The following CREG2 variants were observed in gnomAD, a reference collection of about 807,000 sequenced individuals.
The protein encoded by CREG2 is cellular repressor of E1A stimulated genes 2.
CREG2 carries 24 observed loss-of-function variants against 26.2 expected under a neutral mutation model. The observed-to-expected ratio is 0.92, with a 90% CI of 0.66 to 1.29. CREG2 has a LOEUF of 1.29. Ranked by LOEUF, CREG2 falls within the 50% of genes most tolerant of loss-of-function variation. The pLI is 0.00. For missense variants in CREG2, 366 were observed against 398.6 expected (o/e 0.92, Z 0.70); for synonymous variants, 174 against 169.2 (o/e 1.03, Z -0.22).
intron 2 of CREG2, among the ~76,000 whole-genome samples, chr2:101,370,419 C>A (rs1448398330): frequency 6.6e-5 from 10 of 152,132 alleles, no homozygotes; most frequent in Non-Finnish European, 1.5e-4. Context: ...AACGTTTCAT[C>A]CCCACAGTGG....
intron 3 of CREG2, 26 bp downstream of exon 3, chr2:101,355,227 A>G (rs749768170): frequency 7.3e-6 from 10 of 1,378,298 alleles, no homozygotes; most frequent in South Asian, 1.2e-5. Flanking sequence ...ATTTCTGGGC[A>G]TATAAATTTT....
intron 2 of CREG2, among the ~76,000 whole-genome samples, chr2:101,373,644 A>G (rs1342438767): frequency 6.6e-6 from 1 of 152,244 alleles, no homozygotes; most frequent in Admixed American, 6.5e-5. Flanking sequence ...GGATAGTGCA[A>G]TGGCAGAGGA....
intron 3 of CREG2, among the ~76,000 whole-genome samples, chr2:101,351,661 C>T (rs1471451532): frequency 3.9e-5 from 6 of 152,172 alleles, no homozygotes; most frequent in African/African-American, 7.2e-5. Context: ...AACGTCACAT[C>T]CCGTCTTGTG....
At chr2:101,360,904 G>A (rs557800913) in intron 2 of CREG2, among the ~76,000 whole-genome samples, 17 of 152,184 alleles carry the variant, frequency 1.1e-4, no homozygotes, top group East Asian at 3.9e-4. Context: ...TAACTGAGAC[G>A]CATAGGAGAA....
At chr2:101,385,022 A>G (rs1684943621) in intron 1 of CREG2, among the ~76,000 whole-genome samples, 1 of 152,168 alleles carries the variant, frequency 6.6e-6, no homozygotes, top group African/African-American at 2.4e-5. Flanking sequence ...TGCTTTCTGA[A>G]CAGCATGCAG....
At position 101,380,262 on chromosome 2, in the gene CREG2, T is replaced by G. The variant is rs574841535; in HGVS notation, c.611+3271A>C. Among the ~76,000 whole-genome samples, 56 of 152,354 alleles carry G rather than the reference T, an allele frequency of 3.7e-4. 2 individuals carry two copies. The highest frequency in any genetic ancestry group is 1.3e-3 in the African/African-American group (56 of 41,594). On this transcript the variant is annotated intron_variant, in intron 2 of 3. Coordinates refer to ENST00000324768, the MANE Select transcript of CREG2 (RefSeq NM_153836.4). ...CATTCCTCCCTCCCTAAGCCTGAGC[T>G]GTTCTTGCCCCAGTTGTTGGAGGCT...
chr2:101,362,123 C>T (rs754716421), intron 2 of CREG2, among the ~76,000 whole-genome samples: 2 of 152,156 alleles, frequency 1.3e-5, no homozygotes, highest in Non-Finnish European at 2.9e-5. Flanking sequence ...CACGAAAGCT[C>T]AAGGAGCTGC....
chr2:101,375,160 C>CA (rs1684770742), intron 2 of CREG2, among the ~76,000 whole-genome samples: 1 of 152,214 alleles, frequency 6.6e-6, no homozygotes, highest in Admixed American at 6.5e-5. Context: ...TGTGATTCCT[C>CA]AGTGCTAATT....
chr2:101,357,317 C>G (rs979314206), intron 2 of CREG2, among the ~76,000 whole-genome samples: 3 of 151,802 alleles, frequency 2.0e-5, no homozygotes, highest in Non-Finnish European at 4.4e-5. Flanking sequence ...GCCATCGTGC[C>G]TGGCCTGTGG....
At chr2:101,359,355 C>A (rs1573304527) in intron 2 of CREG2, among the ~76,000 whole-genome samples, 1 of 152,188 alleles carries the variant, frequency 6.6e-6, no homozygotes, top group South Asian at 2.1e-4. Flanking sequence ...GGGACTTGTA[C>A]ACATGCTCAC....
At chr2:101,361,011 ATTTG>A (rs1684530384) in intron 2 of CREG2, among the ~76,000 whole-genome samples, 1 of 152,228 alleles carries the variant, frequency 6.6e-6, no homozygotes, top group African/African-American at 2.4e-5. Context: ...CACCCAATTT[ATTTG>A]TTCACTATTA....
In CREG2 at chr2:101,362,912, G is replaced by A. The variant is rs138856560; in HGVS notation, c.612-7546C>T. ...CCAGAGGGATGTCCTTCCTGCCTGA[G>A]GACCCTGGTGGAGAGTGGCAGGAGC... is the stretch of plus-strand genomic sequence containing the variant. On this transcript the variant is annotated intron_variant, in intron 2 of 3. Transcript: ENST00000324768. Among the ~76,000 whole-genome samples, 331 of 152,206 alleles carry A rather than the reference G, an allele frequency of 2.2e-3. 1 individual carries two copies. The highest frequency in any genetic ancestry group is 7.2e-3 in the African/African-American group (300 of 41,522).
chr2:101,376,764 T>A (rs1287257115), intron 2 of CREG2, among the ~76,000 whole-genome samples: 2 of 152,220 alleles, frequency 1.3e-5, no homozygotes, highest in African/African-American at 2.4e-5. Context: ...TTTGTTACCA[T>A]CACATGATCA....
intron 2 of CREG2, among the ~76,000 whole-genome samples, chr2:101,378,661 C>T (rs992103738): frequency 2.6e-5 from 4 of 152,176 alleles, no homozygotes; most frequent in Non-Finnish European, 4.4e-5. Flanking sequence ...CTCCCCTCTT[C>T]GTCATACCAG....
chr2:101,360,497 G>T (rs1490448277), intron 2 of CREG2, among the ~76,000 whole-genome samples: 1 of 152,132 alleles, frequency 6.6e-6, no homozygotes, highest in African/African-American at 2.4e-5. Context: ...CACTTTGGGA[G>T]GCCAACGTAG....
chr2:101,357,016 A>G (rs1293995201), intron 2 of CREG2, among the ~76,000 whole-genome samples: 1 of 152,024 alleles, frequency 6.6e-6, no homozygotes, highest in Non-Finnish European at 1.5e-5. Context: ...CAATCTCCTG[A>G]GTAGTGGGGA....
At chr2:101,351,243 C>T (rs1461367075) in intron 3 of CREG2, among the ~76,000 whole-genome samples, 173 bp from the exon 4 acceptor site, 1 of 152,214 alleles carries the variant, frequency 6.6e-6, no homozygotes, top group Non-Finnish European at 1.5e-5. Flanking sequence ...CGTAGGAAGC[C>T]AGGGACTGTA....
At chr2:101,371,875 A>G (rs1427188911) in intron 2 of CREG2, among the ~76,000 whole-genome samples, 1 of 152,202 alleles carries the variant, frequency 6.6e-6, no homozygotes, top group Admixed American at 6.5e-5. Flanking sequence ...AGAGAGGAAG[A>G]CAATGAAATC....
chr2:101,384,309 C>T (rs1169896917), intron 1 of CREG2, among the ~76,000 whole-genome samples: 3 of 151,876 alleles, frequency 2.0e-5, no homozygotes, highest in Non-Finnish European at 2.9e-5. Context: ...TGATTTGTTA[C>T]CCTTTTTGCA....
Sources: allele counts gnomAD v4.1 joint callset (sites outside exome capture counted in the v4.1 genomes callset), GRCh38; gene constraint gnomAD v4.1.1; transcripts MANE v1.5; gene names NCBI Gene and HGNC (gene_info 2026-07-23, HGNC 2026-07-21).